The following TMEM117 variants were observed in gnomAD, a reference collection of about 807,000 sequenced individuals.
TMEM117 encodes the protein transmembrane protein 117.
In TMEM117, 27 loss-of-function variants were observed where a neutral mutation model predicts 52.4. The ratio of observed to expected loss-of-function variants is 0.51; its 90% CI spans 0.38 to 0.71. The LOEUF (loss-of-function observed/expected upper bound fraction) is 0.71. Ranked by LOEUF, TMEM117 falls within the 30% of genes least tolerant of loss-of-function variation. The pLI is 0.00. For synonymous variants in TMEM117, 215 were observed against 206.3 expected (o/e 1.04, Z -0.36); for missense variants, 556 against 630.5 (o/e 0.88, Z 1.26).
At chr12:44,139,003 T>C (rs539433827) in intron 3 of TMEM117, among the ~76,000 whole-genome samples, 1 of 152,294 alleles carries the variant, frequency 6.6e-6, no homozygotes, top group African/African-American at 2.4e-5. Context: ...GAGCTTTTGC[T>C]TTAGTTTTAG....
At chr12:43,995,256 TAAAAAA>T (rs748844343) in intron 3 of TMEM117, among the ~76,000 whole-genome samples, 1 of 123,316 alleles carries the variant, frequency 8.1e-6, no homozygotes, top group Non-Finnish European at 1.7e-5. Context: ...GGCTCTGTCT[TAAAAAA>T]AAAAAAAAAG....
chr12:43,925,307 T>A (rs1944761608), intron 2 of TMEM117, among the ~76,000 whole-genome samples: 1 of 152,152 alleles, frequency 6.6e-6, no homozygotes, highest in Non-Finnish European at 1.5e-5. Context: ...AAAAATTTTT[T>A]TTTTTTTGTT....
Position 43,864,262 on chromosome 12 carries a change from G to A in TMEM117, c.277+19334G>A, listed in dbSNP as rs186101701. ...TTCATGGCACCCAGTCCCACCCACC[G>A]CCCAAGGGCTGAGGAGTGCAGGCAC... On this transcript the variant is annotated intron_variant, in intron 2 of 7. Transcript: ENST00000266534. 9.8e-3 allele frequency among the ~76,000 whole-genome samples: 1,487 copies of A among 152,312 alleles called. 8 individuals are homozygous for A. Among genetic ancestry groups the A allele is most frequent in the Non-Finnish European group, 0.016 (1,088 of 68,018 alleles).
At chr12:44,147,931 CAAAAAAAA>C (rs61271123) in intron 4 of TMEM117, among the ~76,000 whole-genome samples, 1 of 61,798 alleles carries the variant, frequency 1.6e-5, no homozygotes, top group Non-Finnish European at 3.3e-5. Context: ...GACTCTGTCT[CAAAAAAAA>C]AAAAAAAAAG....
At chr12:43,838,998 T>A (rs1203420033) in intron 1 of TMEM117, among the ~76,000 whole-genome samples, 1 of 152,214 alleles carries the variant, frequency 6.6e-6, no homozygotes, top group Non-Finnish European at 1.5e-5. Flanking sequence ...ATTTTCCATC[T>A]CAGGAAATGC....
intron 3 of TMEM117, among the ~76,000 whole-genome samples, chr12:44,059,333 G>A (rs1212938833): frequency 6.6e-6 from 1 of 152,128 alleles, no homozygotes; most frequent in African/African-American, 2.4e-5. Flanking sequence ...ATCCCTTTAA[G>A]ATTAAAAAGA....
chr12:43,942,267 C>T (rs1945055504), intron 2 of TMEM117, among the ~76,000 whole-genome samples: 2 of 152,162 alleles, frequency 1.3e-5, no homozygotes, highest in Admixed American at 6.5e-5. Flanking sequence ...AATAGGCACA[C>T]ATTAAATATT....
chr12:43,916,019 G>A (rs61932973), intron 2 of TMEM117, among the ~76,000 whole-genome samples: 4,845 of 152,056 alleles, frequency 0.032, 104 homozygotes, highest in Middle Eastern at 0.085. Flanking sequence ...CAGGGAGAGG[G>A]TGATGGTTGG....
chr12:44,339,370 T>C (rs575281166), intron 6 of TMEM117, among the ~76,000 whole-genome samples: 6 of 151,948 alleles, frequency 3.9e-5, no homozygotes, highest in Non-Finnish European at 8.8e-5. Flanking sequence ...ATTGCAATGA[T>C]CTACAACATC....
chr12:43,967,785 T>C (rs1945510234), intron 3 of TMEM117, among the ~76,000 whole-genome samples: 1 of 152,248 alleles, frequency 6.6e-6, no homozygotes, highest in Admixed American at 6.5e-5. Context: ...TTTAAACTGA[T>C]ACATTTGGTG....
chr12:44,197,802 T>C (rs1000030421), intron 4 of TMEM117, among the ~76,000 whole-genome samples: 1 of 152,144 alleles, frequency 6.6e-6, no homozygotes, highest in Middle Eastern at 3.2e-3. Context: ...AATAAAACAG[T>C]CCATCACTCA....
intron 3 of TMEM117, among the ~76,000 whole-genome samples, chr12:44,128,749 G>T (rs1327702206): frequency 6.6e-6 from 1 of 152,194 alleles, no homozygotes; most frequent in Non-Finnish European, 1.5e-5. Flanking sequence ...ATGCCCAGCA[G>T]ATTTAAGCTG....
At chr12:43,943,828 G>A (rs995600551) in intron 2 of TMEM117, among the ~76,000 whole-genome samples, 4 of 152,190 alleles carry the variant, frequency 2.6e-5, no homozygotes, top group Admixed American at 2.6e-4. Context: ...AAAGGGAAAC[G>A]ATATAGGATT....
intron 3 of TMEM117, among the ~76,000 whole-genome samples, chr12:43,955,756 G>A (rs536632194): frequency 7.2e-5 from 11 of 152,204 alleles, no homozygotes; most frequent in East Asian, 3.9e-4. Flanking sequence ...TTAAACTACC[G>A]TTGACATTCT....
intron 4 of TMEM117, among the ~76,000 whole-genome samples, chr12:44,187,396 A>G (rs2138333183): frequency 6.6e-6 from 1 of 152,232 alleles, no homozygotes; most frequent in Middle Eastern, 3.4e-3. Flanking sequence ...AGTTCTTCAT[A>G]TTATGCCTTT....
At position 43,978,883 on chromosome 12, in the gene TMEM117, C is replaced by A. The variant is rs562447433; in HGVS notation, c.410+34541C>A. 2.0e-5 allele frequency among the ~76,000 whole-genome samples: 3 copies of A among 151,326 alleles called. No individual in the cohort carries two copies. In the South Asian group the frequency reaches 6.3e-4, roughly 32 times the overall value. ...CATTCTAGGAAGTATAGCCTTGGGG[C>A]CATCTGTCCTATTAATCTTGTTGGG... is the stretch of plus-strand genomic sequence containing the variant. On this transcript the variant is annotated intron_variant, in intron 3 of 7. Coordinates refer to ENST00000266534, the MANE Select transcript of TMEM117 (RefSeq NM_032256.3).
At chr12:44,269,538 G>T (rs1950421045) in intron 5 of TMEM117, among the ~76,000 whole-genome samples, 1 of 150,746 alleles carries the variant, frequency 6.6e-6, no homozygotes, top group African/African-American at 2.4e-5. Flanking sequence ...TTAAATAATG[G>T]CTCCATGTTT....
At chr12:44,379,178 G>C (rs1242302186) in intron 7 of TMEM117, among the ~76,000 whole-genome samples, 1 of 151,248 alleles carries the variant, frequency 6.6e-6, no homozygotes, top group African/African-American at 2.4e-5. Context: ...AGGGAGGGAA[G>C]GAAGGAAGAA....
intron 3 of TMEM117, among the ~76,000 whole-genome samples, chr12:44,040,272 A>C (rs1946776177): frequency 6.6e-6 from 1 of 152,080 alleles, no homozygotes; most frequent in Non-Finnish European, 1.5e-5. Context: ...AGTTTATATA[A>C]TTTAATTTTA....
Sources: gnomAD v4.1 joint callset for allele counts (sites outside exome capture counted in the v4.1 genomes callset) on GRCh38, gnomAD v4.1.1 for gene constraint, MANE v1.5 for transcripts, NCBI Gene and HGNC (gene_info 2026-07-23, HGNC 2026-07-21) for gene names.